The following SYNE3 variants were observed in gnomAD, a reference collection of about 807,000 sequenced individuals.
The protein encoded by SYNE3 is spectrin repeat containing nuclear envelope family member 3.
Under a neutral mutation model 111.2 loss-of-function variants are expected in SYNE3, and 100 were observed. That is an observed-to-expected ratio of 0.90 (90% CI 0.77 to 1.06). The LOEUF is 1.06. Ranked by LOEUF, SYNE3 falls within the 50% of genes least tolerant of loss-of-function variation. The pLI is 0.00. For synonymous variants in SYNE3, 547 were observed against 533.9 expected (o/e 1.02, Z -0.34); for missense variants, 1,160 against 1,240.3 (o/e 0.94, Z 0.97).
At position 95,436,953 on chromosome 14, in the gene SYNE3, C is replaced by T. The variant is rs776027792; in HGVS notation, c.2405G>A (p.Ser802Asn). Residue 802 changes from serine to asparagine, a missense_variant, in exon 15 of 18, where the codon AGC becomes AAC. By Grantham distance (46) the Ser-to-Asn change is conservative. Transcript: ENST00000682763. ...CAGGAGCTGGGAGAAATCTTCATGG[C>T]TCCCTTCTTCTTCCTGTAGAAGATT... Reference protein sequence around the residue: ...RANLLQEEEGSHEDFSQLLRN... With the variant: ...RANLLQEEEGNHEDFSQLLRN... 3 of 1,611,910 alleles carry T rather than the reference C, an allele frequency of 1.9e-6. No homozygotes were observed. Among genetic ancestry groups the T allele is most frequent in the Non-Finnish European group, 2.5e-6 (3 of 1,179,256 alleles).
chr14:95,458,696 G>A (rs1439158766), intron 4 of SYNE3, among the ~76,000 whole-genome samples: 1 of 152,194 alleles, frequency 6.6e-6, no homozygotes, highest in African/African-American at 2.4e-5. Flanking sequence ...CCCACTGGGG[G>A]ATCCAGGAGG....
chr14:95,495,875 G>A (rs1311821378), intron 1 of SYNE3, among the ~76,000 whole-genome samples: 1 of 152,248 alleles, frequency 6.6e-6, no homozygotes, highest in Non-Finnish European at 1.5e-5. Flanking sequence ...CTAAGCCTGG[G>A]ACAAGCCCGA....
intron 9 of SYNE3, among the ~76,000 whole-genome samples, chr14:95,445,000 T>C (rs1251835354): frequency 6.6e-6 from 1 of 152,262 alleles, no homozygotes; most frequent in African/African-American, 2.4e-5. Context: ...CTGCCTGCCC[T>C]GCAGACTCTA....
At chr14:95,508,944 T>A (rs879355247) in intron 1 of SYNE3, among the ~76,000 whole-genome samples, 5 of 152,246 alleles carry the variant, frequency 3.3e-5, no homozygotes, top group Non-Finnish European at 5.9e-5. Context: ...TACATTCAAG[T>A]GAGCTGTAAA....
intron 11 of SYNE3, among the ~76,000 whole-genome samples, chr14:95,440,634 G>T (rs1886364703): frequency 6.6e-6 from 1 of 152,238 alleles, no homozygotes; most frequent in Non-Finnish European, 1.5e-5. Context: ...TACAGCAGAT[G>T]AATTTACAAC....
intron 11 of SYNE3, among the ~76,000 whole-genome samples, chr14:95,440,890 T>A (rs1886380705): frequency 6.6e-6 from 1 of 152,214 alleles, no homozygotes; most frequent in African/African-American, 2.4e-5. Context: ...AAAAAAGTAA[T>A]CGAGCTGCAC....
Position 95,439,279 on chromosome 14 carries a change from T to A in SYNE3, c.2247-117A>T, listed in dbSNP as rs553145372. On this transcript the variant is annotated intron_variant, in intron 13 of 17. Transcript: ENST00000682763. The stretch of plus-strand genomic sequence containing the variant: ...CACGAGTCAGTGCCCCCCACTGAAG[T>A]TTGTGAGAATGTTCCTGAGGCATGC... The A allele has an allele frequency of 6.7e-5, 98 of 1,454,950 alleles. No individual in the cohort carries two copies. The South Asian group carries it at 1.1e-3, about 16-fold the overall frequency. 90.1% of individuals were successfully genotyped at this position (1,454,950 alleles called of 1,614,324 possible).
chr14:95,436,734 G>A, intron 15 of SYNE3, 86 bp downstream of exon 15: 1 of 1,479,518 alleles, frequency 6.8e-7, no homozygotes, highest in African/African-American at 1.4e-5. Context: ...CTGTGGGTGT[G>A]TTCCTTCTTT....
rs1490037914 is a variant in SYNE3, at chr14:95,415,477, G to A, written c.*2349C>T. Reference sequence around the variant, plus strand: ...AATCACAAATTTCTCTAGATATTTGGAAACCAAGTCACAGGGTTGTAGGAT... The same window carrying A: ...AATCACAAATTTCTCTAGATATTTGAAAACCAAGTCACAGGGTTGTAGGAT... On this transcript the variant is annotated 3_prime_UTR_variant, in exon 18 of 18. Coordinates refer to ENST00000682763, the MANE Select transcript of SYNE3 (RefSeq NM_152592.6). 6.6e-6 allele frequency: 1 copy of A among 152,114 alleles called. No homozygotes were observed. The highest frequency in any genetic ancestry group is 2.4e-5 in the African/African-American group (1 of 41,406). The allele number at this position is 152,114 out of a possible 1,614,324, so 9.4% of individuals were successfully genotyped here.
At chr14:95,431,258 G>A (rs1885746683) in intron 17 of SYNE3, among the ~76,000 whole-genome samples, 2 of 152,218 alleles carry the variant, frequency 1.3e-5, no homozygotes, top group African/African-American at 2.4e-5. Context: ...AAGTCACAAC[G>A]TGGAAGTTTA....
At chr14:95,456,161 T>G (rs917145952) in intron 5 of SYNE3, 1 of 228,276 alleles carries the variant, frequency 4.4e-6, no homozygotes, top group African/African-American at 2.3e-5. Context: ...ATATGTTTTC[T>G]TTCTAAATAA....
chr14:95,512,715 G>T (rs940846028), intron 1 of SYNE3, among the ~76,000 whole-genome samples: 3 of 149,580 alleles, frequency 2.0e-5, no homozygotes, highest in East Asian at 4.0e-4. Flanking sequence ...AAAATTAGCC[G>T]GACGTGGTGG....
At chr14:95,493,088 A>G (rs1019207760) in intron 1 of SYNE3, among the ~76,000 whole-genome samples, 1 of 152,168 alleles carries the variant, frequency 6.6e-6, no homozygotes, top group East Asian at 1.9e-4. Flanking sequence ...TTCTTCAGGC[A>G]GCCTATTCTG....
rs772183898 is a variant in SYNE3 at position 95,500,936 on chromosome 14, G to C, written c.-15+15660C>G. Among the ~76,000 whole-genome samples the C allele has an allele frequency of 9.2e-5, 14 of 152,226 alleles. No homozygotes were observed. Among genetic ancestry groups the C allele is most frequent in the Admixed American group, 4.6e-4 (7 of 15,286 alleles). ...CCACACCAGGCACAAAATCCCGTCT[G>C]ACTTTCTAAAATATTTTCTCTCTCC... On this transcript the variant is annotated intron_variant, in intron 1 of 17. Transcript: ENST00000682763. This position sits in a 1 kb window ranked among gnomAD's most constrained non-coding sequence, Gnocchi z 4.7.
intron 17 of SYNE3, among the ~76,000 whole-genome samples, chr14:95,422,026 G>A (rs187955294): frequency 2.6e-5 from 4 of 152,232 alleles, no homozygotes; most frequent in African/African-American, 7.2e-5. Context: ...TTAACTCCTC[G>A]GAGGCGGGGT....
chr14:95,486,585 T>C (rs187042835), intron 1 of SYNE3, among the ~76,000 whole-genome samples: 7 of 152,242 alleles, frequency 4.6e-5, no homozygotes, highest in Non-Finnish European at 4.4e-5. Context: ...AATGGTTCAA[T>C]GACCACACAC....
At chr14:95,478,564 G>A (rs1176652476) in intron 1 of SYNE3, among the ~76,000 whole-genome samples, 1 of 152,184 alleles carries the variant, frequency 6.6e-6, no homozygotes, top group Non-Finnish European at 1.5e-5. Context: ...AAGGCAGGAC[G>A]AGGTAAGCCA....
intron 4 of SYNE3, among the ~76,000 whole-genome samples, chr14:95,459,124 A>G (rs1887637992): frequency 6.6e-6 from 1 of 152,254 alleles, no homozygotes; most frequent in South Asian, 2.1e-4. Context: ...CCAGCATGCA[A>G]CTTATGTTGT....
chr14:95,432,630 T>TTGC (rs1885844440), intron 16 of SYNE3, among the ~76,000 whole-genome samples: 1 of 139,106 alleles, frequency 7.2e-6, no homozygotes, highest in African/African-American at 2.8e-5. Flanking sequence ...ATTACTAGTT[T>TTGC]TGCTATTATT....
Sources: gnomAD v4.1 joint callset for allele counts (sites outside exome capture counted in the v4.1 genomes callset) on GRCh38, gnomAD v4.1.1 for gene constraint, Gnocchi (gnomAD v3.1) non-coding constraint, MANE v1.5 for transcripts, NCBI Gene and HGNC (gene_info 2026-07-23, HGNC 2026-07-21) for gene names.